PLEKHD1: variants seen among roughly 807,000 people sequenced by gnomAD.
PLEKHD1 encodes pleckstrin homology and coiled-coil domain containing D1, also known as pleckstrin homology domain-containing family D member 1.
Under a neutral mutation model 69.2 loss-of-function variants are expected in PLEKHD1, and 51 were observed. The observed-to-expected ratio is 0.74, with a 90% CI of 0.59 to 0.93. PLEKHD1 has a LOEUF of 0.93. PLEKHD1 is among the 40% of genes least tolerant of loss of function. PLEKHD1 has a pLI of 0.00. For missense variants in PLEKHD1, 584 were observed against 641.0 expected (o/e 0.91, Z 0.96); for synonymous variants, 236 against 244.7 (o/e 0.96, Z 0.33).
chr14:69,520,840 T>C (rs1165233000), intron 6 of PLEKHD1, among the ~76,000 whole-genome samples: 1 of 152,252 alleles, frequency 6.6e-6, no homozygotes, highest in East Asian at 1.9e-4. Context: ...ACATCATGCA[T>C]TGCCTCTTAA....
chr14:69,515,965 T>C lies in PLEKHD1; in HGVS notation c.556-6318T>C, dbSNP rs554044499. Among the ~76,000 whole-genome samples the C allele has an allele frequency of 5.3e-5, 8 of 152,366 alleles. No individual in the cohort carries two copies. In the South Asian group the frequency reaches 1.7e-3, roughly 32 times the overall value. ...ACTTTGCTTTATGACCTCACTTCTC[T>C]GATGATGTAAGAAGACTTGCTGATT... On this transcript the variant is annotated intron_variant, in intron 6 of 12. Transcript: ENST00000322564.
At chr14:69,519,035 C>A (rs1883449493) in intron 6 of PLEKHD1, among the ~76,000 whole-genome samples, 1 of 151,902 alleles carries the variant, frequency 6.6e-6, no homozygotes, top group African/African-American at 2.4e-5. Context: ...GAGAGAAAGG[C>A]CCAGGAAGCC....
intron 1 of PLEKHD1, among the ~76,000 whole-genome samples, chr14:69,494,679 G>A (rs561987368): frequency 9.8e-5 from 15 of 152,362 alleles, no homozygotes; most frequent in African/African-American, 2.4e-4. Flanking sequence ...GACCAACTGC[G>A]CAGGGCCTGG....
chr14:69,475,175 G>C, the PLEKHD1 span, among the ~76,000 whole-genome samples: 1 of 152,226 alleles, frequency 6.6e-6, no homozygotes, highest in African/African-American at 2.4e-5. Flanking sequence ...CAGCATCTTG[G>C]CTTTCCCTTA....
chr14:69,476,836 C>A, the PLEKHD1 span, among the ~76,000 whole-genome samples: 52,695 of 151,838 alleles, frequency 0.35, 9,309 homozygotes, highest in South Asian at 0.49. Flanking sequence ...GCTGATAAAG[C>A]CATACCTGAG....
chr14:69,527,373 T>C (rs1228172118), intron 11 of PLEKHD1, 41 bp downstream of exon 11: 1 of 1,550,340 alleles, frequency 6.5e-7, no homozygotes, highest in Admixed American at 2.0e-5. Flanking sequence ...GCTTTGGCAC[T>C]CAGCCCCAGA....
intron 1 of PLEKHD1, among the ~76,000 whole-genome samples, chr14:69,496,163 G>A (rs1019878345): frequency 8.5e-5 from 13 of 152,200 alleles, no homozygotes; most frequent in Admixed American, 8.5e-4. Context: ...CTTGAAGGAT[G>A]GGGGTTGGTG....
chr14:69,485,333 C>G (rs1050112660), intron 1 of PLEKHD1, among the ~76,000 whole-genome samples: 3 of 152,222 alleles, frequency 2.0e-5, no homozygotes, highest in Non-Finnish European at 2.9e-5. Flanking sequence ...GGCAAATTCT[C>G]TATGGAATGA....
rs1266055637 is a variant in PLEKHD1, at chr14:69,528,659, GGGTGCTGGTTGTCATGGTGA to G, written c.*245_*264del. The G allele has an allele frequency of 5.6e-5, 32 of 571,650 alleles. No homozygotes were observed. The highest frequency in any genetic ancestry group is 9.3e-4 in the Middle Eastern group (2 of 2,146). 35.4% of individuals were successfully genotyped at this position (571,650 alleles called of 1,614,324 possible). ...CACCAGGGCCATGCAGGCCTGAGCT[GGGTGCTGGTTGTCATGGTGA>G]GGTGAGGACAGGACCTGGTTGTATG... On this transcript the variant is annotated 3_prime_UTR_variant, in exon 13 of 13. Transcript: ENST00000322564.
At chr14:69,524,095 G>A (rs2139530316) in intron 7 of PLEKHD1, 134 bp from the exon 8 acceptor site, 1 of 675,666 alleles carries the variant, frequency 1.5e-6, no homozygotes, top group Non-Finnish European at 2.6e-6. Context: ...GCCCAGCTGT[G>A]CAGAGGGGCT....
chr14:69,513,219 A>AAAAATAAAATAAAATAAAATAAAATAAT (rs1566562332), intron 6 of PLEKHD1, among the ~76,000 whole-genome samples: 1 of 151,300 alleles, frequency 6.6e-6, no homozygotes, highest in East Asian at 1.9e-4. Flanking sequence ...ACTCCATCTC[A>AAAAATAAAATAAAATAAAATAAAATAAT]AAAATAAAAT....
At chr14:69,491,440 T>C (rs1049351137) in intron 1 of PLEKHD1, among the ~76,000 whole-genome samples, 1 of 152,226 alleles carries the variant, frequency 6.6e-6, no homozygotes, top group Non-Finnish European at 1.5e-5. Flanking sequence ...GGATCCTCTC[T>C]CCTCTGCACT....
intron 6 of PLEKHD1, among the ~76,000 whole-genome samples, chr14:69,507,253 A>G (rs1318914417): frequency 1.3e-5 from 2 of 152,162 alleles, no homozygotes; most frequent in African/African-American, 4.8e-5. Context: ...AGCTGGAGTC[A>G]TATGGTATGT....
intron 1 of PLEKHD1, among the ~76,000 whole-genome samples, chr14:69,495,691 G>C (rs564273443): frequency 1.7e-4 from 26 of 152,270 alleles, no homozygotes; most frequent in Middle Eastern, 3.4e-3. Flanking sequence ...GTTCCCTCGA[G>C]AGCTAGGCAC....
At chr14:69,480,325 G>C (rs1313689275), upstream of PLEKHD1, among the ~76,000 whole-genome samples, 1 of 152,242 alleles carries the variant, frequency 6.6e-6, no homozygotes, top group Non-Finnish European at 1.5e-5. Context: ...GCCCCTCAGG[G>C]ATACTTGGGC....
intron 6 of PLEKHD1, among the ~76,000 whole-genome samples, chr14:69,504,376 C>T (rs1375774532): frequency 6.6e-6 from 1 of 152,170 alleles, no homozygotes; most frequent in Non-Finnish European, 1.5e-5. Context: ...AGCCTTGGCT[C>T]AGAACCTCTA....
chr14:69,502,616 A>C, intron 5 of PLEKHD1: 1 of 590,240 alleles, frequency 1.7e-6, no homozygotes, highest in Non-Finnish European at 3.0e-6. Flanking sequence ...TCATAACCCT[A>C]GGAAAAGAAA....
chr14:69,503,366 G>A (rs1039838380), intron 6 of PLEKHD1: 1 of 171,494 alleles, frequency 5.8e-6, no homozygotes, highest in Admixed American at 5.5e-5. Flanking sequence ...TGTGAAGGAG[G>A]GGAGCCACCG....
upstream of PLEKHD1, among the ~76,000 whole-genome samples, chr14:69,482,043 C>G (rs1882550793): frequency 6.6e-6 from 1 of 152,326 alleles, no homozygotes; most frequent in South Asian, 2.1e-4. Context: ...GGAACAGAAA[C>G]CACTCAAGTA....
Sources: gnomAD v4.1 joint callset for allele counts (sites outside exome capture counted in the v4.1 genomes callset) on GRCh38, gnomAD v4.1.1 for gene constraint, MANE v1.5 for transcripts, NCBI Gene and HGNC (gene_info 2026-07-23, HGNC 2026-07-21) for gene names.